KCNIP4: variants seen among roughly 807,000 people sequenced by gnomAD.
The protein encoded by KCNIP4 is Kv channel-interacting protein 4.
A neutral mutation model predicts 34.0 loss-of-function variants in KCNIP4; 12 were observed. The observed-to-expected ratio is 0.35, with a 90% CI of 0.23 to 0.57. KCNIP4 has a LOEUF of 0.57. Among genes scored for constraint, KCNIP4 ranks in the 20% least tolerant of loss-of-function variants. The probability of loss-of-function intolerance (pLI) is 0.83; values close to 1 mark genes in which losing one functional copy is unlikely to be tolerated. For missense variants in KCNIP4, 238 were observed against 311.7 expected, an observed-to-expected ratio of 0.76 and a Z score of 1.78; for synonymous variants, 124 against 102.2, an observed-to-expected ratio of 1.21 and a Z score of -1.29.
intron 1 of KCNIP4, among the ~76,000 whole-genome samples, chr4:21,826,590 T>C (rs1378342895): frequency 6.6e-6 from 1 of 151,996 alleles, no homozygotes; most frequent in African/African-American, 2.4e-5. Flanking sequence ...GTCACTGAAA[T>C]AGGATTGTTT....
At chr4:21,691,739 G>C (rs553477556) in intron 1 of KCNIP4, among the ~76,000 whole-genome samples, 7 of 118,436 alleles carry the variant, frequency 5.9e-5, no homozygotes, top group Non-Finnish European at 8.2e-5. Flanking sequence ...TCACCCTGTT[G>C]CCCAGGCTGG....
intron 1 of KCNIP4, among the ~76,000 whole-genome samples, chr4:21,758,316 A>G (rs1164884943): frequency 6.6e-6 from 1 of 152,218 alleles, no homozygotes; most frequent in Non-Finnish European, 1.5e-5. Flanking sequence ...AAAACAAAAT[A>G]ATGTGAATAG....
intron 1 of KCNIP4, among the ~76,000 whole-genome samples, chr4:21,714,595 G>A (rs1383398973): frequency 6.6e-6 from 1 of 151,712 alleles, no homozygotes. Context: ...GAGAGAATAT[G>A]ACTTGGTAGC....
intron 1 of KCNIP4, among the ~76,000 whole-genome samples, chr4:21,717,978 A>G (rs560263676): frequency 3.9e-5 from 6 of 152,300 alleles, no homozygotes; most frequent in African/African-American, 1.2e-4. Flanking sequence ...TGTTCATTTC[A>G]TGTCATAACA....
chr4:21,910,661 T>C (rs1212161187), intron 1 of KCNIP4, among the ~76,000 whole-genome samples: 5 of 152,170 alleles, frequency 3.3e-5, no homozygotes, highest in Admixed American at 2.6e-4. Flanking sequence ...AGGCACTAAA[T>C]TATATAAGGG....
chr4:21,353,575 A>C (rs1718247607), intron 1 of KCNIP4, among the ~76,000 whole-genome samples: 1 of 152,220 alleles, frequency 6.6e-6, no homozygotes, highest in African/African-American at 2.4e-5. Context: ...TAATGAAATA[A>C]AGCAAGAAGA....
At chr4:21,594,720 CA>C (rs1742485497) in intron 1 of KCNIP4, among the ~76,000 whole-genome samples, 1 of 140,726 alleles carries the variant, frequency 7.1e-6, no homozygotes, top group African/African-American at 2.8e-5. Context: ...TTACATGCAA[CA>C]AAAAATTGAT....
intron 1 of KCNIP4, among the ~76,000 whole-genome samples, chr4:21,319,610 G>A (rs1714163765): frequency 6.6e-6 from 1 of 152,094 alleles, no homozygotes; most frequent in African/African-American, 2.4e-5. Context: ...AAATATCTAT[G>A]CACACTGGAT....
chr4:21,554,316 G>A (rs543197484), intron 1 of KCNIP4, among the ~76,000 whole-genome samples: 2 of 152,258 alleles, frequency 1.3e-5, no homozygotes, highest in South Asian at 4.1e-4. Flanking sequence ...CAGGGAAAGA[G>A]AGCAGGGGGC....
At chr4:21,032,671 A>G (rs955199525) in intron 1 of KCNIP4, among the ~76,000 whole-genome samples, 1 of 152,132 alleles carries the variant, frequency 6.6e-6, no homozygotes, top group Middle Eastern at 3.2e-3. Context: ...ATGGTCAAAC[A>G]TTATTTCTGA....
At chr4:21,786,752 G>A (rs909548203) in intron 1 of KCNIP4, among the ~76,000 whole-genome samples, 5 of 151,892 alleles carry the variant, frequency 3.3e-5, no homozygotes, top group Non-Finnish European at 7.4e-5. Flanking sequence ...ATTTTTAGTA[G>A]AGACGGGGTT....
chr4:20,955,646 A>G (rs1733222879), intron 1 of KCNIP4, among the ~76,000 whole-genome samples: 2 of 152,098 alleles, frequency 1.3e-5, no homozygotes, highest in South Asian at 2.1e-4. Flanking sequence ...ACTTTCTTGA[A>G]TAGAGTGAAA....
intron 1 of KCNIP4, among the ~76,000 whole-genome samples, chr4:21,084,911 C>T (rs926800401): frequency 2.0e-5 from 3 of 150,098 alleles, no homozygotes; most frequent in African/African-American, 7.6e-5. Context: ...TTTACTGCTA[C>T]TGACTTCATG....
At chr4:21,599,470 G>A (rs75537302) in intron 1 of KCNIP4, among the ~76,000 whole-genome samples, 10 of 151,488 alleles carry the variant, frequency 6.6e-5, no homozygotes, top group Non-Finnish European at 1.3e-4. Context: ...AGAAAAAAAT[G>A]ATAACTACCA....
chr4:20,809,837 A>G (rs968172004), intron 3 of KCNIP4, among the ~76,000 whole-genome samples: 1 of 152,154 alleles, frequency 6.6e-6, no homozygotes, highest in Non-Finnish European at 1.5e-5. Context: ...CTGCCCTTAT[A>G]TGAACTGCTT....
chr4:21,558,112 G>T (rs1739222867), intron 1 of KCNIP4, among the ~76,000 whole-genome samples: 1 of 152,176 alleles, frequency 6.6e-6, no homozygotes, highest in Non-Finnish European at 1.5e-5. Flanking sequence ...CCGTAAACCA[G>T]AGAGCACACT....
chr4:21,401,883 T>C (rs1723591076), intron 1 of KCNIP4, among the ~76,000 whole-genome samples: 1 of 152,166 alleles, frequency 6.6e-6, no homozygotes, highest in African/African-American at 2.4e-5. Context: ...GGTCTATATT[T>C]TCCAAAAGCC....
At chr4:21,279,681 A>G (rs1762659600) in intron 1 of KCNIP4, among the ~76,000 whole-genome samples, 1 of 151,994 alleles carries the variant, frequency 6.6e-6, no homozygotes, top group Non-Finnish European at 1.5e-5. Flanking sequence ...ACATCAGTGG[A>G]CACAGTAGAT....
chr4:21,300,148 T>G (rs184395210), intron 1 of KCNIP4, among the ~76,000 whole-genome samples: 4 of 152,198 alleles, frequency 2.6e-5, no homozygotes, highest in African/African-American at 9.6e-5. Context: ...CATAATTTAA[T>G]ACATATTTAG....
Sources: gnomAD v4.1 joint callset for allele counts (sites outside exome capture counted in the v4.1 genomes callset) on GRCh38, gnomAD v4.1.1 for gene constraint, MANE v1.5 for transcripts, NCBI Gene and HGNC (gene_info 2026-07-23, HGNC 2026-07-21) for gene names.